Variants in MLYCD observed in about 807,000 individuals in gnomAD.
MLYCD encodes the protein malonyl-CoA decarboxylase, mitochondrial.
Under a neutral mutation model 35.8 loss-of-function variants are expected in MLYCD, and 27 were observed. The observed-to-expected ratio is 0.75, with a 90% CI of 0.56 to 1.04. The LOEUF is 1.04. MLYCD is among the 50% of genes least tolerant of loss of function. The pLI, the probability that MLYCD is intolerant of heterozygous loss-of-function variation, is 0.00. For synonymous variants in MLYCD, 403 were observed against 302.4 expected, an observed-to-expected ratio of 1.33 and a Z score of -3.45; for missense variants, 917 against 665.1, an observed-to-expected ratio of 1.38 and a Z score of -4.17.
chr16:83,908,194 GT>G lies in MLYCD; in HGVS notation c.712del (p.Tyr238ThrfsTer20), dbSNP rs1158802527. ...MKRRVGPYRRCYFFSHCSTPG... is the reference protein window; with the variant it reads ...MKRRVGPYRRXYFFSHCSTPG... The stretch of plus-strand genomic sequence containing the variant: ...CGCCGCGTTGGGCCCTACAGAAGGT[GT>G]TACTTCTTTTCTCACTGTTCGACCC... On this transcript the variant is annotated frameshift_variant, in exon 3 of 5. Coordinates refer to ENST00000262430, the MANE Select transcript of MLYCD (RefSeq NM_012213.3). LOFTEE classifies it high-confidence loss of function. The G allele has an allele frequency of 6.2e-7, 1 of 1,614,106 alleles. No individual in the cohort carries two copies. Among genetic ancestry groups the G allele is most frequent in the African/African-American group, 1.3e-5 (1 of 74,940 alleles).
At chr16:83,906,853 G>A (rs1175714774) in intron 1 of MLYCD, 134 bp from the exon 2 acceptor site, 4 of 821,222 alleles carry the variant, frequency 4.9e-6, no homozygotes, top group African/African-American at 3.4e-5. Context: ...GGGAAAAGCT[G>A]TTTGGAGAGT....
In MLYCD at chr16:83,921,962, G is replaced by A. The variant is rs990622085; in HGVS notation, c.*6473G>A. ...CAAGGGGAACACAGTGGCTAAGAGG[G>A]CAGGGGCTCAGTCTCACAGACCTGG... On this transcript the variant is annotated 3_prime_UTR_variant, in exon 5 of 5. Coordinates refer to ENST00000262430, the MANE Select transcript of MLYCD (RefSeq NM_012213.3). 3.6e-5 allele frequency: 5 copies of A among 138,818 alleles called. No individual in the cohort carries two copies. The highest frequency in any genetic ancestry group is 1.2e-4 in the African/African-American group (5 of 40,222). 8.6% of individuals were successfully genotyped at this position (138,818 alleles called of 1,614,324 possible).
chr16:83,899,249 C>T lies in MLYCD; in HGVS notation c.105C>T (p.Ala35=). The change falls in exon 1 of 5, where the codon GCC becomes GCT. Residue 35 remains alanine, a synonymous_variant. Coordinates refer to ENST00000262430, the MANE Select transcript of MLYCD (RefSeq NM_012213.3). ...PRLASGQAAG[A]LERAMDELLR... ...TGGCGAGCGGGCAGGCGGCCGGCGCCCTGGAGCGGGCCATGGACGAGCTGC... is the reference window on the plus strand; with the variant it reads ...TGGCGAGCGGGCAGGCGGCCGGCGCTCTGGAGCGGGCCATGGACGAGCTGC... The T allele has an allele frequency of 7.6e-7, 1 of 1,311,576 alleles. No individual in the cohort carries two copies. Among genetic ancestry groups the T allele is most frequent in the Non-Finnish European group, 9.7e-7 (1 of 1,033,600 alleles). 81.2% of individuals were successfully genotyped at this position (1,311,576 alleles called of 1,614,324 possible).
chr16:83,900,986 C>A (rs899830164), intron 1 of MLYCD, among the ~76,000 whole-genome samples: 3 of 152,100 alleles, frequency 2.0e-5, no homozygotes, highest in African/African-American at 7.2e-5. Flanking sequence ...TTATTAGAAA[C>A]TTTCTTTTTT....
At chr16:83,903,708 G>C (rs1438774120) in intron 1 of MLYCD, among the ~76,000 whole-genome samples, 2 of 152,146 alleles carry the variant, frequency 1.3e-5, no homozygotes, top group Admixed American at 1.3e-4. Flanking sequence ...TACTTGGGAG[G>C]TTCAGCTGAG....
rs1436058295 is a variant in MLYCD at position 83,899,162 on chromosome 16, A to C, written c.18A>C (p.Pro6=). ...GGGGCACCATGCGAGGCTTCGGGCC[A>C]GGCTTGACGGCCAGGCGTCTCCTCC... MRGFG[P]GLTARRLLPL... The change falls in exon 1 of 5, where the codon CCA becomes CCC. Residue 6 remains proline (P), a synonymous_variant. Transcript: ENST00000262430. The C allele has an allele frequency of 1.7e-6, 2 of 1,155,508 alleles. No homozygotes were observed. Among genetic ancestry groups the C allele is most frequent in the Non-Finnish European group, 2.1e-6 (2 of 941,994 alleles). The allele number at this position is 1,155,508 out of a possible 1,614,324, so 71.6% of individuals were successfully genotyped here. A position where few individuals can be genotyped will look rare whatever the true frequency, so the allele number is the denominator to read the frequency against.
chr16:83,906,287 G>A (rs1011080269), intron 1 of MLYCD, among the ~76,000 whole-genome samples: 1 of 152,202 alleles, frequency 6.6e-6, no homozygotes, highest in African/African-American at 2.4e-5. Context: ...GCTACTTGGG[G>A]GGCTGAGACA....
At position 83,915,039 on chromosome 16, in the gene MLYCD, G is replaced by A. The variant is rs1489968966; in HGVS notation, c.1032G>A (p.Ser344=). The change falls in exon 5 of 5, where the codon TCG becomes TCA. Residue 344 remains serine, a synonymous_variant. Transcript: ENST00000262430. ...AATGGCTTCTGGGGCTTCTGAACTC[G>A]CAAACGAAGGAGCATGGGAGGAATG... ...FTKWLLGLLN[S]QTKEHGRNEL... The A allele has an allele frequency of 9.3e-6, 15 of 1,614,224 alleles. No homozygotes were observed. The highest frequency in any genetic ancestry group is 1.6e-4 in the Middle Eastern group (1 of 6,062).
rs1194122458 is a variant in MLYCD at position 83,917,211 on chromosome 16, G to A, written c.*1722G>A. 2.9e-5 allele frequency: 4 copies of A among 136,816 alleles called. No homozygotes were observed. The highest frequency in any genetic ancestry group is 9.5e-5 in the African/African-American group (3 of 31,660). The allele number at this position is 136,816 out of a possible 1,614,324, so 8.5% of individuals were successfully genotyped here. A position where few individuals can be genotyped will look rare whatever the true frequency, so the allele number is the denominator to read the frequency against. ...TGTCAGTGCACGTCTGTGTGTGCAC[G>A]AGCGTCTCTGTGTGGATCAGTGCAC... On this transcript the variant is annotated 3_prime_UTR_variant, in exon 5 of 5. Coordinates refer to ENST00000262430, the MANE Select transcript of MLYCD (RefSeq NM_012213.3).
At position 83,920,098 on chromosome 16, in the gene MLYCD, G is replaced by C. The variant is rs867816752; in HGVS notation, c.*4609G>C. 6.6e-6 allele frequency: 1 copy of C among 151,300 alleles called. No homozygotes were observed. Among genetic ancestry groups the C allele is most frequent in the Non-Finnish European group, 1.5e-5 (1 of 67,986 alleles). 9.4% of individuals were successfully genotyped at this position (151,300 alleles called of 1,614,324 possible). ...AGAGTGCACAGAACACAGTCCACAG[G>C]ACAGCACACGGTACACAGCAGAACA... On this transcript the variant is annotated 3_prime_UTR_variant, in exon 5 of 5. Coordinates refer to ENST00000262430, the MANE Select transcript of MLYCD (RefSeq NM_012213.3).
Position 83,912,268 on chromosome 16 carries a change from C to G in MLYCD, c.849C>G (p.Ile283Met). ...PPSETEEKNKITAAIFYSISL... is the reference protein window; with the variant it reads ...PPSETEEKNKMTAAIFYSISL... ...CAGAAACAGAAGAGAAGAACAAAATCACTGCTGCGATCTTTTATTCCATCA... is the reference window on the plus strand; with the variant it reads ...CAGAAACAGAAGAGAAGAACAAAATGACTGCTGCGATCTTTTATTCCATCA... The change falls in exon 4 of 5, where the codon ATC becomes ATG. Residue 283 changes from isoleucine (I) to methionine (M), a missense_variant. Ile to Met is a conservative substitution (Grantham distance 10, BLOSUM62 1). Coordinates refer to ENST00000262430, the MANE Select transcript of MLYCD (RefSeq NM_012213.3). 6.2e-7 allele frequency: 1 copy of G among 1,614,224 alleles called. No individual in the cohort carries two copies. Among genetic ancestry groups the G allele is most frequent in the Non-Finnish European group, 8.5e-7 (1 of 1,180,038 alleles).
chr16:83,914,699 G>A (rs1907308459), intron 4 of MLYCD: 2 of 499,858 alleles, frequency 4.0e-6, no homozygotes, highest in African/African-American at 1.9e-5. Context: ...GGATGGCTTG[G>A]ACCCAGGAGA....
chr16:83,907,131 A>G (rs375381327), intron 2 of MLYCD, 32 bp downstream of exon 2: 96 of 1,534,372 alleles, frequency 6.3e-5, no homozygotes, highest in Non-Finnish European at 8.6e-5. Flanking sequence ...TTCTTTGTAC[A>G]TACATTTTTC....
rs1907626007 is a variant in MLYCD at position 83,920,783 on chromosome 16, G to C, written c.*5294G>C. ...AACGAACCTACAGACCTATCACCCA[G>C]CTTCCACAGTCATCAGTGGTTTTCT... On this transcript the variant is annotated 3_prime_UTR_variant, in exon 5 of 5. Coordinates refer to ENST00000262430, the MANE Select transcript of MLYCD (RefSeq NM_012213.3). The C allele has an allele frequency of 6.6e-6, 1 of 152,230 alleles. No homozygotes were observed. The highest frequency in any genetic ancestry group is 1.5e-5 in the Non-Finnish European group (1 of 68,042). 9.4% of individuals were successfully genotyped at this position (152,230 alleles called of 1,614,324 possible). A position where few individuals can be genotyped will look rare whatever the true frequency, so the allele number is the denominator to read the frequency against.
Position 83,915,679 on chromosome 16 carries a change from G to T in MLYCD, c.*190G>T. The T allele has an allele frequency of 6.8e-7, 1 of 1,477,142 alleles. No individual in the cohort carries two copies. Among genetic ancestry groups the T allele is most frequent in the Non-Finnish European group, 9.0e-7 (1 of 1,116,356 alleles). The allele number at this position is 1,477,142 out of a possible 1,614,324, so 91.5% of individuals were successfully genotyped here. On this transcript the variant is annotated 3_prime_UTR_variant, in exon 5 of 5. Transcript: ENST00000262430. ...ACCCTGGGCGTGACATGCACCCAGTGCAAGACGGTTGTGGGTGCGGGTGCA... is the reference window on the plus strand; with the variant it reads ...ACCCTGGGCGTGACATGCACCCAGTTCAAGACGGTTGTGGGTGCGGGTGCA...
intron 4 of MLYCD, chr16:83,912,629 A>C: frequency 2.0e-6 from 1 of 503,290 alleles, no homozygotes; most frequent in Non-Finnish European, 3.6e-6. Context: ...TGAGGTCATC[A>C]ACTCTCTCTA....
Position 83,918,015 on chromosome 16 carries a change from C to T in MLYCD, c.*2526C>T, listed in dbSNP as rs1016780649. On this transcript the variant is annotated 3_prime_UTR_variant, in exon 5 of 5. Coordinates refer to ENST00000262430, the MANE Select transcript of MLYCD (RefSeq NM_012213.3). ...GCTCACCAGAGGAGTTTGTAGATGT[C>T]AGTCATCCCCAAGTCACTAGGAACT... The T allele has an allele frequency of 9.2e-5, 14 of 152,316 alleles. No homozygotes were observed. The highest frequency in any genetic ancestry group is 2.9e-4 in the African/African-American group (12 of 41,568). The allele number at this position is 152,316 out of a possible 1,614,324, so 9.4% of individuals were successfully genotyped here.
chr16:83,909,878 C>G (rs1216863116), intron 3 of MLYCD, among the ~76,000 whole-genome samples: 2 of 151,810 alleles, frequency 1.3e-5, no homozygotes, highest in Non-Finnish European at 2.9e-5. Flanking sequence ...GGTGATCTGC[C>G]CGCCGCGGCT....
chr16:83,907,399 C>T (rs559064041), intron 2 of MLYCD, among the ~76,000 whole-genome samples: 1 of 152,196 alleles, frequency 6.6e-6, no homozygotes, highest in East Asian at 1.9e-4. Flanking sequence ...CGTCCCAAGA[C>T]CCCGTGATCA....
Sources: gnomAD v4.1 joint callset for allele counts (sites outside exome capture counted in the v4.1 genomes callset) on GRCh38, gnomAD v4.1.1 for gene constraint, MANE v1.5 for transcripts, NCBI Gene and HGNC (gene_info 2026-07-23, HGNC 2026-07-21) for gene names.